Variants in ST3GAL3 observed in about 807,000 individuals in gnomAD.
ST3GAL3 encodes CMP-N-acetylneuraminate-beta-1,4-galactoside alpha-2,3-sialyltransferase.
ST3GAL3 carries 21 observed loss-of-function variants against 50.1 expected under a neutral mutation model. The ratio of observed to expected loss-of-function variants is 0.42; its 90% confidence interval spans 0.30 to 0.60. The LOEUF is 0.60. ST3GAL3 is among the 20% of genes least tolerant of loss of function. The pLI, the probability that ST3GAL3 is intolerant of heterozygous loss-of-function variation, is 0.19. For synonymous variants in ST3GAL3, 183 were observed against 190.0 expected, an observed-to-expected ratio of 0.96 and a Z score of 0.30; for missense variants, 353 against 489.4, an observed-to-expected ratio of 0.72 and a Z score of 2.63.
chr1:43,876,663 A>G (rs1219256443), intron 5 of ST3GAL3, among the ~76,000 whole-genome samples: 1 of 152,168 alleles, frequency 6.6e-6, no homozygotes, highest in Non-Finnish European at 1.5e-5. Context: ...GAAAGGTGTC[A>G]TGTGTCTAGA....
intron 5 of ST3GAL3, among the ~76,000 whole-genome samples, chr1:43,854,478 T>C (rs1001330160): frequency 3.3e-5 from 5 of 152,236 alleles, no homozygotes; most frequent in Non-Finnish European, 7.3e-5. Context: ...CTGTTCCTTC[T>C]CAGTCTCTAT....
intron 5 of ST3GAL3, chr1:43,858,343 G>A: frequency 2.4e-6 from 3 of 1,241,660 alleles, no homozygotes; most frequent in South Asian, 1.4e-5. Flanking sequence ...ACACACTGGT[G>A]GGGGCAGCTT....
At chr1:43,918,470 G>A (rs1195131746) in intron 9 of ST3GAL3, among the ~76,000 whole-genome samples, 3 of 152,080 alleles carry the variant, frequency 2.0e-5, no homozygotes, top group African/African-American at 7.2e-5. Context: ...TATATGGTGT[G>A]AGGAGAGAAA....
At chr1:43,818,036 C>T (rs1342955202) in intron 4 of ST3GAL3, among the ~76,000 whole-genome samples, 1 of 152,010 alleles carries the variant, frequency 6.6e-6, no homozygotes, top group Non-Finnish European at 1.5e-5. Context: ...TATCTGGCCT[C>T]ATTTAGATTC....
At chr1:43,826,140 C>G (rs2062768021) in intron 4 of ST3GAL3, among the ~76,000 whole-genome samples, 1 of 151,940 alleles carries the variant, frequency 6.6e-6, no homozygotes, top group Admixed American at 6.6e-5. Context: ...TGCTGGTAAT[C>G]CCGTCTACTT....
At chr1:43,725,286 C>T (rs551792687) in intron 1 of ST3GAL3, among the ~76,000 whole-genome samples, 35 of 152,242 alleles carry the variant, frequency 2.3e-4, no homozygotes, top group African/African-American at 7.9e-4. Context: ...TTACTCCAAC[C>T]TCTGACTCCC....
chr1:43,897,601 A>C (rs576066870), intron 6 of ST3GAL3, among the ~76,000 whole-genome samples: 11 of 152,278 alleles, frequency 7.2e-5, no homozygotes, highest in Middle Eastern at 3.4e-3. Context: ...AGAGCACAGA[A>C]GTCATGGGGG....
intron 4 of ST3GAL3, among the ~76,000 whole-genome samples, chr1:43,816,312 A>G (rs889376810): frequency 6.6e-6 from 1 of 152,154 alleles, no homozygotes; most frequent in Non-Finnish European, 1.5e-5. Context: ...GGTGCCTCAT[A>G]CTATGAGTTC....
chr1:43,845,490 C>G (rs1456316475), intron 5 of ST3GAL3, among the ~76,000 whole-genome samples: 1 of 151,974 alleles, frequency 6.6e-6, no homozygotes, highest in Non-Finnish European at 1.5e-5. Flanking sequence ...TCCTCTCTTT[C>G]ATGCCTGATA....
chr1:43,883,742 G>A (rs766154997), intron 5 of ST3GAL3, among the ~76,000 whole-genome samples: 4 of 152,136 alleles, frequency 2.6e-5, no homozygotes, highest in Non-Finnish European at 5.9e-5. Context: ...CGTTGATGGG[G>A]GCTACTTCCC....
At chr1:43,895,856 A>G (rs963632988) in intron 6 of ST3GAL3, among the ~76,000 whole-genome samples, 1 of 152,168 alleles carries the variant, frequency 6.6e-6, no homozygotes, top group African/African-American at 2.4e-5. Context: ...AAGGCCAGGG[A>G]AGTTCGATAT....
chr1:43,778,644 CTTTTTT>C (rs35726867), intron 2 of ST3GAL3, among the ~76,000 whole-genome samples: 1 of 118,704 alleles, frequency 8.4e-6, no homozygotes, highest in African/African-American at 3.2e-5. Context: ...TTCTTTTTTT[CTTTTTT>C]TTTTTTTTTT....
chr1:43,779,425 T>C (rs1428081246), intron 2 of ST3GAL3, among the ~76,000 whole-genome samples: 3 of 152,244 alleles, frequency 2.0e-5, no homozygotes, highest in East Asian at 3.8e-4. Flanking sequence ...ACAGGGCTTG[T>C]TCCCAACAAC....
At chr1:43,929,762 C>T (rs1357046161) in intron 11 of ST3GAL3, among the ~76,000 whole-genome samples, 1 of 152,202 alleles carries the variant, frequency 6.6e-6, no homozygotes, top group Non-Finnish European at 1.5e-5. Context: ...TTCAGTGACT[C>T]ACACTGCCTG....
At chr1:43,813,031 C>T (rs1207840093) in intron 3 of ST3GAL3, among the ~76,000 whole-genome samples, 1 of 152,160 alleles carries the variant, frequency 6.6e-6, no homozygotes, top group Non-Finnish European at 1.5e-5. Context: ...TTTTTTAATG[C>T]AACTAAAATG....
intron 5 of ST3GAL3, among the ~76,000 whole-genome samples, chr1:43,880,867 G>T (rs549324644): frequency 6.6e-6 from 1 of 152,328 alleles, no homozygotes; most frequent in South Asian, 2.1e-4. Context: ...AGAGCACTTA[G>T]AACAGTGCCA....
At chr1:43,752,224 A>G (rs1686425013) in intron 2 of ST3GAL3, among the ~76,000 whole-genome samples, 1 of 152,122 alleles carries the variant, frequency 6.6e-6, no homozygotes, top group African/African-American at 2.4e-5. Context: ...GTATTTCCAC[A>G]TTTTACAGGT....
At chr1:43,850,450 G>T in intron 5 of ST3GAL3, 2 of 594,582 alleles carry the variant, frequency 3.4e-6, no homozygotes, top group South Asian at 1.4e-5. Flanking sequence ...TGGATCTGCA[G>T]GGTTAGCTCT....
intron 5 of ST3GAL3, among the ~76,000 whole-genome samples, chr1:43,867,125 G>A (rs1326844533): frequency 3.3e-5 from 5 of 152,148 alleles, no homozygotes; most frequent in African/African-American, 7.2e-5. Flanking sequence ...GCGAGACTCC[G>A]TCTCAAAATA....
Sources: gnomAD v4.1 joint callset for allele counts (sites outside exome capture counted in the v4.1 genomes callset) on GRCh38, gnomAD v4.1.1 for gene constraint, MANE v1.5 for transcripts, NCBI Gene and HGNC (gene_info 2026-07-23, HGNC 2026-07-21) for gene names.